Variants in RAB35 observed in about 807,000 individuals in gnomAD.
RAB35 encodes the protein RAB35, member RAS oncogene family, also known as ras-related protein Rab-35.
A neutral mutation model predicts 28.9 loss-of-function variants in RAB35; 4 were observed. That is an observed-to-expected ratio of 0.14 (90% CI 0.07 to 0.32). RAB35 has a LOEUF of 0.32. Ranked by LOEUF, RAB35 falls within the 10% of genes least tolerant of loss-of-function variation. RAB35 has a pLI of 1.00. For missense variants in RAB35, 128 were observed against 274.0 expected (o/e 0.47, Z 3.76); for synonymous variants, 99 against 105.1 (o/e 0.94, Z 0.35).
At chr12:120,106,076 G>A (rs1172274656) in intron 2 of RAB35, among the ~76,000 whole-genome samples, 1 of 152,134 alleles carries the variant, frequency 6.6e-6, no homozygotes, top group Non-Finnish European at 1.5e-5. Context: ...TTCAGGGTGG[G>A]TAGGGGTTGC....
chr12:120,112,656 T>G (rs1044457327), intron 1 of RAB35, among the ~76,000 whole-genome samples: 6 of 151,296 alleles, frequency 4.0e-5, no homozygotes, highest in Admixed American at 3.3e-4. Flanking sequence ...TCTCAAACTC[T>G]TGGGCTCAAG....
intron 2 of RAB35, 124 bp from the exon 3 acceptor site, chr12:120,104,073 T>C: frequency 7.5e-7 from 1 of 1,333,662 alleles, no homozygotes; most frequent in Non-Finnish European, 1.0e-6. Flanking sequence ...GCCTGGTACA[T>C]TCTAGGTCCC....
intron 2 of RAB35, among the ~76,000 whole-genome samples, chr12:120,104,660 G>GC (rs1399970031): frequency 2.0e-5 from 3 of 152,108 alleles, no homozygotes; most frequent in African/African-American, 4.8e-5. Flanking sequence ...TTTGGTGGGG[G>GC]GGGGACAGCG....
chr12:120,101,548 C>A (rs1875658402), intron 3 of RAB35, among the ~76,000 whole-genome samples: 1 of 152,212 alleles, frequency 6.6e-6, no homozygotes, highest in South Asian at 2.1e-4. Flanking sequence ...AAAAGTCACG[C>A]TACTGCATCC....
At chr12:120,113,508 A>G (rs929190968) in intron 1 of RAB35, among the ~76,000 whole-genome samples, 1 of 152,250 alleles carries the variant, frequency 6.6e-6, no homozygotes, top group Non-Finnish European at 1.5e-5. Context: ...GTCAGAGAGT[A>G]TAAGGGAAAG....
chr12:120,098,929 T>C lies in RAB35; in HGVS notation c.359A>G (p.Asn120Ser). ...CTTCCGCTCAGGGTCGTCATTCTTA[T>C]TACCCACTTCAAACGAAGGCAGAGT... Reference protein sequence around the residue: ...CDDVCRILVGNKNDDPERKVV... With the variant: ...CDDVCRILVGSKNDDPERKVV... The change falls in exon 5 of 6, where the codon AAT becomes AGT. Residue 120 changes from asparagine (N) to serine (S), a missense_variant. Physicochemically the swap from Asn to Ser is conservative, Grantham distance 46 (BLOSUM62 1). Transcript: ENST00000229340. The C allele has an allele frequency of 2.5e-6, 4 of 1,614,232 alleles. No individual in the cohort carries two copies. Among genetic ancestry groups the C allele is most frequent in the South Asian group, 2.2e-5 (2 of 91,082 alleles).
At position 120,097,347 on chromosome 12, in the gene RAB35, G is replaced by T; in HGVS notation, c.504C>A (p.Val168=). 1 of 1,613,148 alleles carries T rather than the reference G, an allele frequency of 6.2e-7. No individual in the cohort carries two copies. The highest frequency in any genetic ancestry group is 2.2e-5 in the East Asian group (1 of 44,876). ...EEMFNCITEL[V]LRAKKDNLAK... ...CCAGGTTGTCTTTCTTTGCTCGGAG[G>T]ACCAGCTCCGTGATGCAGTTGAACA... The change falls in exon 6 of 6, where the codon GTC becomes GTA. Residue 168 remains valine, a synonymous_variant. Transcript: ENST00000229340.
At chr12:120,109,089 C>A (rs2139058879) in intron 1 of RAB35, among the ~76,000 whole-genome samples, 1 of 152,362 alleles carries the variant, frequency 6.6e-6, no homozygotes. Flanking sequence ...CATGCACCAG[C>A]CACAGCAGCT....
At chr12:120,098,198 T>A (rs1400040076) in intron 5 of RAB35, among the ~76,000 whole-genome samples, 1 of 152,220 alleles carries the variant, frequency 6.6e-6, no homozygotes, top group East Asian at 1.9e-4. Flanking sequence ...TGGAATCTTA[T>A]GACATGACAG....
chr12:120,108,876 G>A (rs1365042184), intron 1 of RAB35, among the ~76,000 whole-genome samples: 5 of 152,254 alleles, frequency 3.3e-5, no homozygotes, highest in African/African-American at 1.2e-4. Flanking sequence ...ACATCAGTTA[G>A]GGAGCCGCCC....
chr12:120,108,246 G>GA (rs1307471246), intron 2 of RAB35, among the ~76,000 whole-genome samples, 171 bp downstream of exon 2: 31 of 152,176 alleles, frequency 2.0e-4, no homozygotes, highest in African/African-American at 6.8e-4. Context: ...AGAGGCTTCT[G>GA]ACAGAAGCGC....
chr12:120,098,044 C>T (rs988388755), intron 5 of RAB35, among the ~76,000 whole-genome samples: 39 of 152,018 alleles, frequency 2.6e-4, no homozygotes, highest in African/African-American at 7.0e-4. Flanking sequence ...CCACCACGCC[C>T]GGCTAATTTT....
At chr12:120,108,029 CA>C (rs1468662026) in intron 2 of RAB35, among the ~76,000 whole-genome samples, 1 of 152,146 alleles carries the variant, frequency 6.6e-6, no homozygotes, top group Non-Finnish European at 1.5e-5. Flanking sequence ...AGATGAACCA[CA>C]AAGGCCTGCA....
At chr12:120,099,009 C>T (rs368841481) in intron 4 of RAB35, 21 bp downstream of exon 4, 153 of 1,614,058 alleles carry the variant, frequency 9.5e-5, no homozygotes, top group Non-Finnish European at 1.1e-4. Flanking sequence ...AACCCCGACC[C>T]GGCCCTGAGT....
chr12:120,102,396 C>T lies in RAB35; in HGVS notation c.227+1430G>A, dbSNP rs80265619. On this transcript the variant is annotated intron_variant, in intron 3 of 5. Coordinates refer to ENST00000229340, the MANE Select transcript of RAB35 (RefSeq NM_006861.7). ...ATGCCAGCCCTGCCCCAGTGTCCTCCGCAGATTCTCACTGGCAGCTGCCAA... is the reference window on the plus strand; with the variant it reads ...ATGCCAGCCCTGCCCCAGTGTCCTCTGCAGATTCTCACTGGCAGCTGCCAA... Among the ~76,000 whole-genome samples the T allele has an allele frequency of 5.9e-3, 895 of 152,300 alleles. 9 individuals are homozygous for T. Among genetic ancestry groups the T allele is most frequent in the African/African-American group, 0.02 (816 of 41,578 alleles).
rs1875747820 is a variant in RAB35, at chr12:120,103,620, A to G, written c.227+206T>C. Among the ~76,000 whole-genome samples, 1 of 152,228 alleles carries G rather than the reference A, an allele frequency of 6.6e-6. No homozygotes were observed. The highest frequency in any genetic ancestry group is 2.4e-5 in the African/African-American group (1 of 41,462). ...CGGCCAGACTCCAGCCAGGGTGCTCAGCGACTCCCCCACAGCACCCCCCTC... is the reference window on the plus strand; with the variant it reads ...CGGCCAGACTCCAGCCAGGGTGCTCGGCGACTCCCCCACAGCACCCCCCTC... On this transcript the variant is annotated intron_variant, in intron 3 of 5. Coordinates refer to ENST00000229340, the MANE Select transcript of RAB35 (RefSeq NM_006861.7). This position sits in a 1 kb window ranked among gnomAD's most constrained non-coding sequence, Gnocchi z 6.1.
At chr12:120,105,922 A>C (rs1379834063) in intron 2 of RAB35, among the ~76,000 whole-genome samples, 1 of 150,754 alleles carries the variant, frequency 6.6e-6, no homozygotes, top group Non-Finnish European at 1.5e-5. Flanking sequence ...GTCTCAAAAA[A>C]AAAAAAAAAA....
chr12:120,098,040 C>T (rs1230882135), intron 5 of RAB35, among the ~76,000 whole-genome samples: 5 of 152,068 alleles, frequency 3.3e-5, no homozygotes, highest in African/African-American at 9.7e-5. Flanking sequence ...CCCACCACCA[C>T]GCCCGGCTAA....
chr12:120,111,465 A>G (rs774712541), intron 1 of RAB35, among the ~76,000 whole-genome samples: 1 of 152,114 alleles, frequency 6.6e-6, no homozygotes, highest in Non-Finnish European at 1.5e-5. Context: ...GCAGATCACG[A>G]GGTCAAGAGA....
Sources: allele counts gnomAD v4.1 joint callset (sites outside exome capture counted in the v4.1 genomes callset), GRCh38; gene constraint gnomAD v4.1.1; non-coding constraint Gnocchi (gnomAD v3.1); transcripts MANE v1.5; gene names NCBI Gene and HGNC (gene_info 2026-07-23, HGNC 2026-07-21).